The following BAG3 variants were observed in gnomAD, a reference collection of about 807,000 sequenced individuals.
BAG3 encodes the protein BAG cochaperone 3, also known as BAG family molecular chaperone regulator 3.
A neutral mutation model predicts 40.5 loss-of-function variants in BAG3; 14 were observed. The ratio of observed to expected loss-of-function variants is 0.35; its 90% CI spans 0.23 to 0.54. BAG3 has a LOEUF of 0.54. Among genes scored for constraint, BAG3 ranks in the 20% least tolerant of loss-of-function variants. The pLI, the probability that BAG3 is intolerant of heterozygous loss-of-function variation, is 0.91. For synonymous variants in BAG3, 302 were observed against 307.8 expected, an observed-to-expected ratio of 0.98 and a Z score of 0.20; for missense variants, 788 against 758.6, an observed-to-expected ratio of 1.04 and a Z score of -0.46.
In BAG3 at chr10:119,670,148, G is replaced by T; in HGVS notation, c.478G>T (p.Ala160Ser). The T allele has an allele frequency of 6.2e-7, 1 of 1,611,704 alleles. No homozygotes were observed. The change falls in exon 2 of 4, where the codon GCC becomes TCC. Residue 160 changes from alanine to serine, a missense_variant. Coordinates refer to ENST00000369085, the MANE Select transcript of BAG3 (RefSeq NM_004281.4). ...QCGQVAAAAA[A>S]QPPASHGPER... is the part of the protein sequence containing the mutation. ...TGGACAGGTGGCAGCGGCGGCGGCA[G>T]CCCAGCCCCCAGCCTCCCACGGACC...
intron 1 of BAG3, among the ~76,000 whole-genome samples, chr10:119,667,215 G>C (rs765494547): frequency 4.6e-5 from 7 of 152,150 alleles, no homozygotes; most frequent in Non-Finnish European, 1.0e-4. Flanking sequence ...GACCTCAGGT[G>C]ATCTGCCCGC....
At chr10:119,655,691 T>A (rs1363350585) in intron 1 of BAG3, among the ~76,000 whole-genome samples, 3 of 151,890 alleles carry the variant, frequency 2.0e-5, no homozygotes, top group Non-Finnish European at 4.4e-5. Flanking sequence ...TGCATGAAAG[T>A]GATTTGTTGG....
intron 1 of BAG3, among the ~76,000 whole-genome samples, chr10:119,653,517 TC>T (rs1213410164): frequency 6.6e-6 from 1 of 152,212 alleles, no homozygotes; most frequent in East Asian, 1.9e-4. Flanking sequence ...GTTGAGATCT[TC>T]CTGTACCCAC....
chr10:119,672,467 C>T lies in BAG3; in HGVS notation c.720C>T (p.Tyr240=). 1.9e-6 allele frequency: 3 copies of T among 1,614,240 alleles called. No homozygotes were observed. The highest frequency in any genetic ancestry group is 2.5e-6 in the Non-Finnish European group (3 of 1,180,046). ...KTHYPAQQGE[Y]QTHQPVYHKI... ...ACTACCCAGCGCAGCAGGGGGAGTACCAGACCCACCAGCCTGTGTACCACA... is the reference window on the plus strand; with the variant it reads ...ACTACCCAGCGCAGCAGGGGGAGTATCAGACCCACCAGCCTGTGTACCACA... The change falls in exon 3 of 4, where the codon TAC becomes TAT. Residue 240 remains tyrosine, a synonymous_variant. Coordinates refer to ENST00000369085, the MANE Select transcript of BAG3 (RefSeq NM_004281.4). The surrounding 1 kb of genome is among the most constrained non-coding windows in gnomAD (Gnocchi z 4.8).
chr10:119,665,110 G>GTGTGTA (rs1847043091), intron 1 of BAG3, among the ~76,000 whole-genome samples: 1 of 75,740 alleles, frequency 1.3e-5, no homozygotes, highest in African/African-American at 4.9e-5. Context: ...GTGTGTGTGT[G>GTGTGTA]TGTGTGTGTG....
At chr10:119,675,780 C>CTT (rs1418469097) in intron 3 of BAG3, among the ~76,000 whole-genome samples, 1,675 of 65,300 alleles carry the variant, frequency 0.026, 44 homozygotes, top group African/African-American at 0.037. Flanking sequence ...TCCTTCCCTC[C>CTT]CCCTCCCTTC....
chr10:119,654,796 C>T (rs1340124244), intron 1 of BAG3, among the ~76,000 whole-genome samples: 2 of 152,182 alleles, frequency 1.3e-5, no homozygotes, highest in Non-Finnish European at 2.9e-5. Flanking sequence ...AAACAGAGGC[C>T]GGATGTTCTG....
At chr10:119,665,398 C>A (rs971223183) in intron 1 of BAG3, among the ~76,000 whole-genome samples, 1 of 151,856 alleles carries the variant, frequency 6.6e-6, no homozygotes, top group Non-Finnish European at 1.5e-5. Flanking sequence ...CCTCAGCCTG[C>A]CAAAGTGCTG....
intron 1 of BAG3, among the ~76,000 whole-genome samples, chr10:119,659,231 C>T (rs986269480): frequency 1.3e-5 from 2 of 152,246 alleles, no homozygotes; most frequent in African/African-American, 4.8e-5. Flanking sequence ...TCTCCCCATC[C>T]TCTGCCCAAG....
chr10:119,658,893 T>C (rs1192741150), intron 1 of BAG3, among the ~76,000 whole-genome samples: 4 of 152,150 alleles, frequency 2.6e-5, no homozygotes, highest in Non-Finnish European at 5.9e-5. Context: ...CGGAAACATA[T>C]GCAGCCTGCT....
chr10:119,675,829 TTCCCCCTTCCC>T (rs1847218082), intron 3 of BAG3, among the ~76,000 whole-genome samples: 1 of 36,660 alleles, frequency 2.7e-5, no homozygotes, highest in African/African-American at 9.9e-5. Context: ...TCCTTCCCCC[TTCCCCCTTCCC>T]TCCTTCCTTC....
intron 1 of BAG3, among the ~76,000 whole-genome samples, chr10:119,663,618 C>T (rs1847021717): frequency 6.6e-6 from 1 of 152,104 alleles, no homozygotes. Context: ...CCGGGCCCTC[C>T]TCTTCATCTG....
In BAG3 at chr10:119,675,696, G is replaced by A. The variant is rs1015074280; in HGVS notation, c.910-768G>A. The stretch of plus-strand genomic sequence containing the variant: ...GAGAGCTGGAGTCACTCAGGACTCT[G>A]CTCTGAGTCAGCCTAGTTCAGCAGT... On this transcript the variant is annotated intron_variant, in intron 3 of 3. Coordinates refer to ENST00000369085, the MANE Select transcript of BAG3 (RefSeq NM_004281.4). Among the ~76,000 whole-genome samples, 20 of 152,100 alleles carry A rather than the reference G, an allele frequency of 1.3e-4. 1 individual carries two copies. The East Asian group carries it at 3.9e-3, about 29-fold the overall frequency.
intron 1 of BAG3, among the ~76,000 whole-genome samples, chr10:119,662,219 T>TG (rs1176678817): frequency 1.7e-5 from 2 of 115,158 alleles, no homozygotes; most frequent in Non-Finnish European, 3.9e-5. Flanking sequence ...GGCTATGTTT[T>TG]TTTTTTGTTT....
At chr10:119,669,826 T>C in intron 1 of BAG3, 25 bp from the exon 2 acceptor site, 1 of 1,608,240 alleles carries the variant, frequency 6.2e-7, no homozygotes, top group South Asian at 1.1e-5. Flanking sequence ...CTAACCAGCC[T>C]GTGTTTCTCC....
chr10:119,652,449 ATG>A (rs754977358), intron 1 of BAG3, among the ~76,000 whole-genome samples: 19 of 152,128 alleles, frequency 1.2e-4, no homozygotes, highest in Admixed American at 7.9e-4. Context: ...TCATATATAT[ATG>A]TGTGTGTGTG....
intron 1 of BAG3, among the ~76,000 whole-genome samples, chr10:119,655,375 G>C (rs1846897278): frequency 6.6e-6 from 1 of 152,154 alleles, no homozygotes; most frequent in African/African-American, 2.4e-5. Flanking sequence ...CCATCTGGCA[G>C]AATCTCACCA....
Position 119,670,032 on chromosome 10 carries a change from G to A in BAG3, c.362G>A (p.Arg121Gln), listed in dbSNP as rs876657746. 14 of 1,614,134 alleles carry A rather than the reference G, an allele frequency of 8.7e-6. No homozygotes were observed. Among genetic ancestry groups the A allele is most frequent in the East Asian group, 2.2e-5 (1 of 44,900 alleles). Residue 121 changes from arginine to glutamine, a missense_variant, in exon 2 of 4, where the codon CGA becomes CAA. By Grantham distance (43) the Arg-to-Gln change is conservative (BLOSUM62 1). Transcript: ENST00000369085. Reference sequence around the variant, plus strand: ...GTCTATCCCCAGCCTGGGATGCAGCGATTCCGAACTGAGGCGGCAGCAGCG... The same window carrying A: ...GTCTATCCCCAGCCTGGGATGCAGCAATTCCGAACTGAGGCGGCAGCAGCG... ...FHVYPQPGMQ[R>Q]FRTEAAAAAP...
At position 119,672,613 on chromosome 10, in the gene BAG3, C is replaced by T. The variant is rs1564774772; in HGVS notation, c.866C>T (p.Ser289Phe). 1.2e-6 allele frequency: 2 copies of T among 1,614,122 alleles called. No homozygotes were observed. The highest frequency in any genetic ancestry group is 1.6e-4 in the Middle Eastern group (1 of 6,062). Residue 289 changes from serine (S) to phenylalanine (F), a missense_variant, in exon 3 of 4, where the codon TCC becomes TTC. Physicochemically the swap from Ser to Phe is radical, Grantham distance 155. Coordinates refer to ENST00000369085, the MANE Select transcript of BAG3 (RefSeq NM_004281.4). This position sits in a 1 kb window ranked among gnomAD's most constrained non-coding sequence, Gnocchi z 4.8. ...SPARSSTPLH[S>F]PSPIRVHTVV... ...GCCAGGAGCAGCACGCCACTCCACT[C>T]CCCCTCGCCCATCCGTGTGCACACC...
Sources: allele counts gnomAD v4.1 joint callset (sites outside exome capture counted in the v4.1 genomes callset), GRCh38; gene constraint gnomAD v4.1.1; non-coding constraint Gnocchi (gnomAD v3.1); transcripts MANE v1.5; gene names NCBI Gene and HGNC (gene_info 2026-07-23, HGNC 2026-07-21).